Variants in ZNF280A observed in about 807,000 individuals in gnomAD.
ZNF280A encodes the protein zinc finger protein 280A.
A neutral mutation model predicts 35.9 loss-of-function variants in ZNF280A; 26 were observed. The observed-to-expected ratio is 0.72, with a 90% CI of 0.53 to 1.01. The LOEUF is 1.01. ZNF280A is among the 50% of genes least tolerant of loss of function. ZNF280A has a pLI of 0.00. For missense variants in ZNF280A, 654 were observed against 652.0 expected, an observed-to-expected ratio of 1.00 and a Z score of -0.03; for synonymous variants, 231 against 232.9, an observed-to-expected ratio of 0.99 and a Z score of 0.07.
rs900418972 is a variant in ZNF280A at position 22,513,896 on chromosome 22, C to G, written c.*106G>C. The G allele has an allele frequency of 1.7e-5, 12 of 722,858 alleles. No individual in the cohort carries two copies. In the Admixed American group the frequency reaches 1.7e-4, roughly 10 times the overall value. The allele number at this position is 722,858 out of a possible 1,614,324, so 44.8% of individuals were successfully genotyped here. On this transcript the variant is annotated 3_prime_UTR_variant, in exon 2 of 2. Coordinates refer to ENST00000302097, the MANE Select transcript of ZNF280A (RefSeq NM_080740.5). The stretch of plus-strand genomic sequence containing the variant: ...GATGAGATGTCACTGTAAAAAACAA[C>G]CTGACAGTTGATGACATTGCTTGCT...
rs542766951 is a variant in ZNF280A at position 22,514,616 on chromosome 22, A to G, written c.1015T>C (p.Cys339Arg). ...SWEDHTTCQH[C>R]HRQFPTPFQL... is the part of the protein sequence containing the mutation. ...AAGGGAGTGGGAAACTGCCGGTGGC[A>G]GTGCTGGCAGGTGGTGTGGTCTTCC... Residue 339 changes from cysteine to arginine, a missense_variant, in exon 2 of 2, where the codon TGC becomes CGC. By Grantham distance (180) the Cys-to-Arg change is radical. Transcript: ENST00000302097. 100 of 1,613,950 alleles carry G rather than the reference A, an allele frequency of 6.2e-5. No homozygotes were observed. In the East Asian group the frequency reaches 2.2e-3, roughly 36 times the overall value.
At chr22:22,515,769 C>A in intron 1 of ZNF280A, 68 bp from the exon 2 acceptor site, 1 of 1,371,450 alleles carries the variant, frequency 7.3e-7, no homozygotes, top group South Asian at 1.6e-5. Flanking sequence ...TTATTGTATC[C>A]TCCCTTAAAA....
rs201182788 is a variant in ZNF280A at position 22,515,564 on chromosome 22, T to G, written c.67A>C (p.Arg23=). 14 of 1,611,192 alleles carry G rather than the reference T, an allele frequency of 8.7e-6. No homozygotes were observed. The highest frequency in any genetic ancestry group is 1.2e-5 in the Non-Finnish European group (14 of 1,179,332). ...TCTGGATCTTCATCATCCTCCTCCC[T>G]TTGTTTGGATTCTCTCAAATTCTTC... The part of the protein sequence containing the change: ...PKKNLRESKQ[R]EEDDEDPDLI... Residue 23 remains arginine, a synonymous_variant, in exon 2 of 2, where the codon AGG becomes CGG. Transcript: ENST00000302097.
In ZNF280A at chr22:22,514,639, T is replaced by C. The variant is rs1383222881; in HGVS notation, c.992A>G (p.Glu331Gly). The change falls in exon 2 of 2, where the codon GAA becomes GGA. Residue 331 changes from glutamate (E) to glycine (G), a missense_variant. By Grantham distance (98) the Glu-to-Gly change is moderately conservative (BLOSUM62 -2). Coordinates refer to ENST00000302097, the MANE Select transcript of ZNF280A (RefSeq NM_080740.5). ...EFEKQRNDSW[E>G]DHTTCQHCHR... Reference sequence around the variant, plus strand: ...GCAGTGCTGGCAGGTGGTGTGGTCTTCCCAGCTGTCGTTCCTCTGCTTCTC... The same window carrying C: ...GCAGTGCTGGCAGGTGGTGTGGTCTCCCCAGCTGTCGTTCCTCTGCTTCTC... 6.2e-7 allele frequency: 1 copy of C among 1,613,846 alleles called. No homozygotes were observed. The highest frequency in any genetic ancestry group is 1.3e-5 in the African/African-American group (1 of 74,882).
rs1411358230 is a variant in ZNF280A at position 22,515,277 on chromosome 22, C to G, written c.354G>C (p.Lys118Asn). The change falls in exon 2 of 2, where the codon AAG (lysine) becomes AAC (asparagine). Residue 118 changes from lysine (K) to asparagine (N), a missense_variant. Lys to Asn is a moderately conservative substitution (Grantham distance 94). Transcript: ENST00000302097. ...TTTTATAACCAGGTTCAGATGAAGA[C>G]TTCATAGTGACAGGACTATCTGTCG... ...GRSTDSPVTM[K>N]SSSEPGYKMS... 1.2e-6 allele frequency: 2 copies of G among 1,613,734 alleles called. No individual in the cohort carries two copies. Among genetic ancestry groups the G allele is most frequent in the Non-Finnish European group, 1.7e-6 (2 of 1,179,960 alleles).
In ZNF280A at chr22:22,514,983, T is replaced by G. The variant is rs1448051984; in HGVS notation, c.648A>C (p.Ser216=). 3.1e-6 allele frequency: 5 copies of G among 1,613,940 alleles called. No individual in the cohort carries two copies. In the East Asian group the frequency reaches 8.9e-5, roughly 29 times the overall value. The change falls in exon 2 of 2, where the codon TCA becomes TCC. Residue 216 remains serine (S), a synonymous_variant. Transcript: ENST00000302097. ...TTACTCCATTCTGAACATGGTTTGATGAGTTGCAGATCCCCTGTGAGGGTG... is the reference window on the plus strand; with the variant it reads ...TTACTCCATTCTGAACATGGTTTGAGGAGTTGCAGATCCCCTGTGAGGGTG... ...TNTPSQGICN[S]SNHVQNGVTF...
intron 1 of ZNF280A, among the ~76,000 whole-genome samples, chr22:22,518,501 A>C (rs1391431857): frequency 6.6e-6 from 1 of 151,682 alleles, no homozygotes; most frequent in African/African-American, 2.4e-5. Context: ...AACATGCAAA[A>C]GGAAGCGGGG....
chr22:22,513,823 G>A lies in ZNF280A; in HGVS notation c.*179C>T. The A allele has an allele frequency of 1.8e-6, 1 of 544,340 alleles. No homozygotes were observed. 33.7% of individuals were successfully genotyped at this position (544,340 alleles called of 1,614,324 possible). A position where few individuals can be genotyped will look rare whatever the true frequency, so the allele number is the denominator to read the frequency against. On this transcript the variant is annotated 3_prime_UTR_variant, in exon 2 of 2. Transcript: ENST00000302097. ...GATGCCCTGTTGGGAGCATTTGACT[G>A]GGAAAGGGCTCAAAGACTTTGGAGC... is the stretch of plus-strand genomic sequence containing the variant.
chr22:22,514,342 T>A lies in ZNF280A; in HGVS notation c.1289A>T (p.Lys430Ile), dbSNP rs1222762348. ...TKNLLCLFCL[K>I]LFKTAIPYMN... ...GTATGGTATTGCAGTTTTGAAAAGT[T>A]TGAGACAAAACAGACAAAGCAAATT... The change falls in exon 2 of 2, where the codon AAA (lysine) becomes ATA (isoleucine). Residue 430 changes from lysine to isoleucine, a missense_variant. Physicochemically the swap from Lys to Ile is moderately radical, Grantham distance 102 (BLOSUM62 -3). Coordinates refer to ENST00000302097, the MANE Select transcript of ZNF280A (RefSeq NM_080740.5). The A allele has an allele frequency of 1.2e-6, 2 of 1,613,832 alleles. No homozygotes were observed. The highest frequency in any genetic ancestry group is 1.7e-6 in the Non-Finnish European group (2 of 1,179,986).
chr22:22,516,665 T>C (rs1318144795), intron 1 of ZNF280A, among the ~76,000 whole-genome samples: 2 of 151,954 alleles, frequency 1.3e-5, no homozygotes, highest in African/African-American at 2.4e-5. Flanking sequence ...ATTTCATTCA[T>C]AGGAAATACC....
chr22:22,517,923 A>G (rs1264038387), intron 1 of ZNF280A, among the ~76,000 whole-genome samples: 1 of 142,754 alleles, frequency 7.0e-6, no homozygotes, highest in Admixed American at 7.0e-5. Context: ...AATTGATGGC[A>G]TCTTTTTTTT....
In ZNF280A at chr22:22,515,611, C is replaced by T; in HGVS notation, c.20G>A (p.Cys7Tyr). 8.2e-6 allele frequency: 13 copies of T among 1,592,186 alleles called. No individual in the cohort carries two copies. The highest frequency in any genetic ancestry group is 1.1e-5 in the Non-Finnish European group (13 of 1,171,630). Residue 7 changes from cysteine to tyrosine, a missense_variant, in exon 2 of 2, where the codon TGT becomes TAT. Transcript: ENST00000302097. ...CTTCTTTGGTGATTCCACTTTCTTA[C>T]ACAAAAAGATATCTCCCATTTTCAA... MGDIFLCKKVESPKKNL... is the reference protein window; with the variant it reads MGDIFLYKKVESPKKNL...
chr22:22,519,731 G>A (rs2062118143), intron 1 of ZNF280A, among the ~76,000 whole-genome samples: 1 of 151,914 alleles, frequency 6.6e-6, no homozygotes, highest in African/African-American at 2.4e-5. Context: ...TGATAACTGC[G>A]ACCGCTCCTA....
At position 22,515,292 on chromosome 22, in the gene ZNF280A, AC is replaced by A. The variant is rs867616715; in HGVS notation, c.338del (p.Ser113IlefsTer5). On this transcript the variant is annotated frameshift_variant, in exon 2 of 2. Coordinates refer to ENST00000302097, the MANE Select transcript of ZNF280A (RefSeq NM_080740.5). LOFTEE classifies it high-confidence loss of function. ...VSLSEGRSTDSPVTMKSSSEP... is the reference protein window; with the variant it reads ...VSLSEGRSTDXPVTMKSSSEP... ...CAGATGAAGACTTCATAGTGACAGG[AC>A]TATCTGTCGATCGCCCCTCAGACAG... The A allele has an allele frequency of 5.0e-6, 8 of 1,613,728 alleles. No individual in the cohort carries two copies. In the African/African-American group the frequency reaches 1.1e-4, roughly 22 times the overall value.
intron 1 of ZNF280A, among the ~76,000 whole-genome samples, chr22:22,519,624 A>G (rs1444750568): frequency 6.6e-6 from 1 of 151,918 alleles, no homozygotes; most frequent in Non-Finnish European, 1.5e-5. Context: ...GCATATTTGA[A>G]TCGCCAGCAT....
intron 1 of ZNF280A, among the ~76,000 whole-genome samples, chr22:22,518,447 T>G (rs1214881984): frequency 6.6e-6 from 1 of 151,936 alleles, no homozygotes; most frequent in Non-Finnish European, 1.5e-5. Context: ...TTTTTTTTTA[T>G]TAAGATTTTT....
chr22:22,515,808 TTA>T, intron 1 of ZNF280A, 107 bp from the exon 2 acceptor site: 2 of 1,042,442 alleles, frequency 1.9e-6, no homozygotes, highest in Non-Finnish European at 2.6e-6. Context: ...CATCTCTATT[TTA>T]CACGTCAGAA....
intron 1 of ZNF280A, among the ~76,000 whole-genome samples, chr22:22,517,974 G>T (rs1380914631): frequency 3.3e-5 from 5 of 149,568 alleles, no homozygotes; most frequent in African/African-American, 1.2e-4. Context: ...GCCCAGGCTG[G>T]AGTGCAGTGG....
intron 1 of ZNF280A, among the ~76,000 whole-genome samples, chr22:22,519,730 C>T (rs936180420): frequency 6.6e-6 from 1 of 151,838 alleles, no homozygotes; most frequent in South Asian, 2.1e-4. Context: ...CTGATAACTG[C>T]GACCGCTCCT....
Sources: gnomAD v4.1 joint callset for allele counts (sites outside exome capture counted in the v4.1 genomes callset) on GRCh38, gnomAD v4.1.1 for gene constraint, MANE v1.5 for transcripts, NCBI Gene and HGNC (gene_info 2026-07-23, HGNC 2026-07-21) for gene names.